Variants in COLEC12 observed in about 807,000 individuals in gnomAD.
COLEC12 encodes the protein collectin subfamily member 12, also known as collectin-12.
COLEC12 carries 33 observed loss-of-function variants against 71.1 expected under a neutral mutation model. The ratio of observed to expected loss-of-function variants is 0.46; its 90% CI spans 0.35 to 0.62. COLEC12 has a LOEUF of 0.62. COLEC12 is among the 20% of genes least tolerant of loss of function. The pLI, the probability that COLEC12 is intolerant of heterozygous loss-of-function variation, is 0.00. For synonymous variants in COLEC12, 350 were observed against 353.0 expected, an observed-to-expected ratio of 0.99 and a Z score of 0.10; for missense variants, 765 against 916.1, an observed-to-expected ratio of 0.84 and a Z score of 2.13.
chr18:390,095 T>A (rs1261631993), intron 2 of COLEC12, among the ~76,000 whole-genome samples: 1 of 152,198 alleles, frequency 6.6e-6, no homozygotes, highest in African/African-American at 2.4e-5. Flanking sequence ...CACTGAGACT[T>A]ATTTCACAGT....
chr18:438,085 T>C (rs1916442308), intron 2 of COLEC12, among the ~76,000 whole-genome samples: 1 of 152,238 alleles, frequency 6.6e-6, no homozygotes, highest in African/African-American at 2.4e-5. Context: ...AAGATGACTA[T>C]GTGCTAGGTT....
At chr18:487,501 C>G (rs1917541870) in intron 1 of COLEC12, among the ~76,000 whole-genome samples, 1 of 152,084 alleles carries the variant, frequency 6.6e-6, no homozygotes. Context: ...TTGGAGCTGC[C>G]CACCCAAAGA....
chr18:454,949 C>A (rs1221154514), intron 2 of COLEC12, among the ~76,000 whole-genome samples: 1 of 152,168 alleles, frequency 6.6e-6, no homozygotes, highest in East Asian at 1.9e-4. Context: ...GCTTCCTATA[C>A]TCAGAATTTT....
At position 325,627 on chromosome 18, in the gene COLEC12, C is replaced by CTTTTTTTTTTTT. The variant is rs760407917; in HGVS notation, c.2064-3832_2064-3821dup. ...TTACACCAAGAGTAAAAGGATCAGC[C>CTTTTTTTTTTTT]TTTTTTTTTTTTTTTTTTTTTTTTT... On this transcript the variant is annotated intron_variant, in intron 8 of 9. Coordinates refer to ENST00000400256, the MANE Select transcript of COLEC12 (RefSeq NM_130386.3). Among the ~76,000 whole-genome samples the CTTTTTTTTTTTT allele has an allele frequency of 6.8e-4, 35 of 51,840 alleles. 4 individuals are homozygous for CTTTTTTTTTTTT. The highest frequency in any genetic ancestry group is 1.1e-3 in the African/African-American group (13 of 11,700). The allele number at this position is 51,840 out of a possible 152,430, so 34.0% of individuals were successfully genotyped here.
chr18:373,813 T>C (rs1033327676), intron 2 of COLEC12, among the ~76,000 whole-genome samples: 1 of 151,890 alleles, frequency 6.6e-6, no homozygotes, highest in Non-Finnish European at 1.5e-5. Flanking sequence ...GTGCACACCC[T>C]GTGTCCAGTA....
chr18:366,567 C>T (rs1340667399), intron 2 of COLEC12, among the ~76,000 whole-genome samples: 1 of 152,214 alleles, frequency 6.6e-6, no homozygotes, highest in African/African-American at 2.4e-5. Context: ...CTTGTACAGG[C>T]ATGAGGGTTT....
At chr18:421,249 C>T (rs947631449) in intron 2 of COLEC12, among the ~76,000 whole-genome samples, 1 of 152,102 alleles carries the variant, frequency 6.6e-6, no homozygotes, top group African/African-American at 2.4e-5. Flanking sequence ...TACTAATAGC[C>T]CATGTTAATA....
chr18:360,156 A>G (rs1914712134), intron 2 of COLEC12, among the ~76,000 whole-genome samples: 1 of 151,448 alleles, frequency 6.6e-6, no homozygotes. Flanking sequence ...AGGTCTGAGA[A>G]GGGACCTGAG....
At chr18:368,648 A>C (rs1183374922) in intron 2 of COLEC12, among the ~76,000 whole-genome samples, 1 of 152,028 alleles carries the variant, frequency 6.6e-6, no homozygotes, top group Non-Finnish European at 1.5e-5. Flanking sequence ...GCGGATCATG[A>C]GGTCAGGAGA....
chr18:475,076 A>AAAAAAAAT (rs58274581), intron 2 of COLEC12, among the ~76,000 whole-genome samples: 27,569 of 151,260 alleles, frequency 0.18, 2,622 homozygotes, highest in East Asian at 0.34. Flanking sequence ...CTCCGTCTCA[A>AAAAAAAAT]AAATAAATAA....
intron 2 of COLEC12, among the ~76,000 whole-genome samples, chr18:403,146 G>A (rs987868732): frequency 5.3e-5 from 8 of 152,206 alleles, no homozygotes; most frequent in East Asian, 1.9e-4. Context: ...CTCTGGCTAC[G>A]GCTGAGTCCT....
At position 347,192 on chromosome 18, in the gene COLEC12, C is replaced by G. The variant is rs1282518654; in HGVS notation, c.430G>C (p.Asp144His). Reference protein sequence around the residue: ...DTLEKLQASGDALVDRQSQLK... With the variant: ...DTLEKLQASGHALVDRQSQLK... Reference sequence around the variant, plus strand: ...TGACTCTGCCTGTCCACCAGAGCATCCCCGCTCGCCTGTAACTTCTCCAGC... The same window carrying G: ...TGACTCTGCCTGTCCACCAGAGCATGCCCGCTCGCCTGTAACTTCTCCAGC... Residue 144 changes from aspartate to histidine, a missense_variant, in exon 5 of 10, where the codon GAT (aspartate) becomes CAT (histidine). Coordinates refer to ENST00000400256, the MANE Select transcript of COLEC12 (RefSeq NM_130386.3). The G allele has an allele frequency of 6.2e-7, 1 of 1,614,172 alleles. No homozygotes were observed. Among genetic ancestry groups the G allele is most frequent in the East Asian group, 2.2e-5 (1 of 44,890 alleles).
At chr18:329,089 C>G (rs1598326639) in intron 8 of COLEC12, among the ~76,000 whole-genome samples, 1 of 152,068 alleles carries the variant, frequency 6.6e-6, no homozygotes, top group Non-Finnish European at 1.5e-5. Flanking sequence ...GACTGGGTGC[C>G]CAGTAAGGTG....
intron 1 of COLEC12, among the ~76,000 whole-genome samples, chr18:495,709 G>T (rs747218207): frequency 6.6e-6 from 1 of 152,216 alleles, no homozygotes; most frequent in Non-Finnish European, 1.5e-5. Flanking sequence ...ATCTAGTGGA[G>T]CGTGACAGCA....
chr18:343,057 C>G (rs1453258878), intron 5 of COLEC12, among the ~76,000 whole-genome samples: 1 of 152,180 alleles, frequency 6.6e-6, no homozygotes, highest in Non-Finnish European at 1.5e-5. Flanking sequence ...TCACTCCCCA[C>G]AGCCAATCCA....
intron 1 of COLEC12, among the ~76,000 whole-genome samples, chr18:490,982 T>A (rs1567924494): frequency 1.3e-5 from 2 of 152,254 alleles, no homozygotes. Flanking sequence ...CTTGTACATT[T>A]GTCATTACTC....
At chr18:404,831 C>T (rs1915754536) in intron 2 of COLEC12, among the ~76,000 whole-genome samples, 1 of 152,104 alleles carries the variant, frequency 6.6e-6, no homozygotes, top group Admixed American at 6.5e-5. Flanking sequence ...AGAATAACAG[C>T]GATTTTTAGG....
intron 2 of COLEC12, among the ~76,000 whole-genome samples, chr18:409,362 C>T (rs894721063): frequency 2.6e-5 from 4 of 152,056 alleles, no homozygotes; most frequent in East Asian, 3.9e-4. Context: ...GGCAAAACCC[C>T]GTCTCTACTA....
At chr18:332,961 A>C in intron 7 of COLEC12, 46 bp downstream of exon 7, 4 of 1,500,606 alleles carry the variant, frequency 2.7e-6, no homozygotes, top group Non-Finnish European at 3.6e-6. Context: ...GATGTAAACT[A>C]TCCTTAAATT....
Sources: allele counts gnomAD v4.1 joint callset (sites outside exome capture counted in the v4.1 genomes callset), GRCh38; gene constraint gnomAD v4.1.1; transcripts MANE v1.5; gene names NCBI Gene and HGNC (gene_info 2026-07-23, HGNC 2026-07-21).